Variants in SLCO3A1 observed in about 807,000 individuals in gnomAD.
SLCO3A1 encodes the protein solute carrier organic anion transporter family member 3A1, also known as PGE1 transporter.
In SLCO3A1, 27 loss-of-function variants were observed where a neutral mutation model predicts 63.1. The ratio of observed to expected loss-of-function variants is 0.43; its 90% CI spans 0.32 to 0.59. The LOEUF (loss-of-function observed/expected upper bound fraction) is 0.59. SLCO3A1 is among the 20% of genes least tolerant of loss of function. The pLI is 0.09. For synonymous variants in SLCO3A1, 473 were observed against 409.9 expected (o/e 1.15, Z -1.86); for missense variants, 773 against 945.8 (o/e 0.82, Z 2.40).
chr15:91,950,013 A>T lies in SLCO3A1; in HGVS notation c.646+33555A>T. 6.6e-6 allele frequency among the ~76,000 whole-genome samples: 1 copy of T among 152,162 alleles called. No homozygotes were observed. The highest frequency in any genetic ancestry group is 1.5e-5 in the Non-Finnish European group (1 of 68,030). ...CAGAACCAGACCCTGTCTCTAAAAA[A>T]CAACAACGAAAAGAAGGCAGACTGT... is the stretch of plus-strand genomic sequence containing the variant. On this transcript the variant is annotated intron_variant, in intron 2 of 9. Coordinates refer to ENST00000318445, the MANE Select transcript of SLCO3A1 (RefSeq NM_013272.4). The surrounding 1 kb of genome is among the most constrained non-coding windows in gnomAD (Gnocchi z 4.4).
At chr15:92,015,364 G>T (rs1199834563) in intron 2 of SLCO3A1, among the ~76,000 whole-genome samples, 3 of 152,044 alleles carry the variant, frequency 2.0e-5, no homozygotes, top group African/African-American at 7.3e-5. Context: ...CATGTCAGAA[G>T]GCGAAGAAGA....
intron 2 of SLCO3A1, among the ~76,000 whole-genome samples, chr15:91,999,341 G>A (rs1041787792): frequency 5.3e-5 from 8 of 152,120 alleles, no homozygotes; most frequent in African/African-American, 1.9e-4. Context: ...CAGAAGATTT[G>A]TGCTACACAT....
chr15:91,975,904 C>A (rs1901089170), intron 2 of SLCO3A1, among the ~76,000 whole-genome samples: 1 of 152,186 alleles, frequency 6.6e-6, no homozygotes, highest in African/African-American at 2.4e-5. Flanking sequence ...TGAAGTGTGA[C>A]CTTGGTCAGA....
Position 91,854,125 on chromosome 15 carries a change from C to T in SLCO3A1, c.180+37C>T, listed in dbSNP as rs780989740. On this transcript the variant is annotated intron_variant, in intron 1 of 9. Transcript: ENST00000318445. This position sits in a 1 kb window ranked among gnomAD's most constrained non-coding sequence, Gnocchi z 6.4. Reference sequence around the variant, plus strand: ...AGCCAACTCCGCCGCGGGCCCCTTCCCCAGCCCGGCTCTCGAGCGGCCGCC... The same window carrying T: ...AGCCAACTCCGCCGCGGGCCCCTTCTCCAGCCCGGCTCTCGAGCGGCCGCC... The T allele has an allele frequency of 7.1e-7, 1 of 1,408,252 alleles. No homozygotes were observed. Among genetic ancestry groups the T allele is most frequent in the Non-Finnish European group, 9.3e-7 (1 of 1,070,730 alleles). 87.2% of individuals were successfully genotyped at this position (1,408,252 alleles called of 1,614,324 possible). A position where few individuals can be genotyped will look rare whatever the true frequency, so the allele number is the denominator to read the frequency against.
At position 91,916,172 on chromosome 15, in the gene SLCO3A1, G is replaced by A. The variant is rs752685366; in HGVS notation, c.360G>A (p.Ala120=). The A allele has an allele frequency of 1.2e-6, 2 of 1,601,776 alleles. No individual in the cohort carries two copies. Among genetic ancestry groups the A allele is most frequent in the Non-Finnish European group, 1.7e-6 (2 of 1,176,560 alleles). ...GCGGCATCGTCATGGCGCTGGGCGC[G>A]CTGCTGTCGGCGCTGCCCGAGTTCC... is the stretch of plus-strand genomic sequence containing the variant. ...GCGGIVMALG[A]LLSALPEFLT... Residue 120 remains alanine (A), a synonymous_variant, in exon 2 of 10, where the codon GCG becomes GCA. Coordinates refer to ENST00000318445, the MANE Select transcript of SLCO3A1 (RefSeq NM_013272.4). The surrounding 1 kb of genome is among the most constrained non-coding windows in gnomAD (Gnocchi z 6.2).
chr15:91,911,353 G>C (rs758305731), intron 1 of SLCO3A1, among the ~76,000 whole-genome samples: 14 of 152,184 alleles, frequency 9.2e-5, no homozygotes, highest in Non-Finnish European at 1.8e-4. Flanking sequence ...GGGGTCCTCT[G>C]ATGAGCAGCA....
intron 2 of SLCO3A1, among the ~76,000 whole-genome samples, chr15:91,981,167 T>C (rs972278352): frequency 1.3e-5 from 2 of 152,108 alleles, no homozygotes; most frequent in African/African-American, 4.8e-5. Context: ...TGGGGTGGGA[T>C]GATTCGGATG....
In SLCO3A1 at chr15:91,872,427, C is replaced by T. The variant is rs1011546065; in HGVS notation, c.180+18339C>T. 6.6e-5 allele frequency among the ~76,000 whole-genome samples: 10 copies of T among 151,642 alleles called. No individual in the cohort carries two copies. Among genetic ancestry groups the T allele is most frequent in the Middle Eastern group, 3.4e-3 (1 of 292 alleles). On this transcript the variant is annotated intron_variant, in intron 1 of 9. Transcript: ENST00000318445. The surrounding 1 kb of genome is among the most constrained non-coding windows in gnomAD (Gnocchi z 4.1). ...GTTGCCTGTAATCCCAGCTACTCGG[C>T]GGGCTGAGGTAGGAGAATCACTTGA...
chr15:92,042,116 C>T (rs1433305251), intron 2 of SLCO3A1, among the ~76,000 whole-genome samples: 1 of 152,150 alleles, frequency 6.6e-6, no homozygotes, highest in African/African-American at 2.4e-5. Context: ...TTGCCCTGTC[C>T]TCTCTCAGCC....
At chr15:92,066,632 C>T (rs889808313) in intron 2 of SLCO3A1, among the ~76,000 whole-genome samples, 12 of 152,188 alleles carry the variant, frequency 7.9e-5, no homozygotes, top group African/African-American at 2.9e-4. Flanking sequence ...CCTCTCTGAG[C>T]CTCAGTTTCC....
chr15:91,925,402 T>C (rs933138046), intron 2 of SLCO3A1, among the ~76,000 whole-genome samples: 1 of 152,186 alleles, frequency 6.6e-6, no homozygotes, highest in African/African-American at 2.4e-5. Flanking sequence ...TGCTAGATAA[T>C]TTTTTAGTGT....
chr15:92,169,828 A>C (rs1040932733), downstream of SLCO3A1, among the ~76,000 whole-genome samples: 1 of 152,198 alleles, frequency 6.6e-6, no homozygotes, highest in Admixed American at 6.5e-5. Flanking sequence ...TATTGAGTTC[A>C]AGTCCCTGGT....
At chr15:91,977,932 C>T (rs546841474) in intron 2 of SLCO3A1, among the ~76,000 whole-genome samples, 2 of 152,320 alleles carry the variant, frequency 1.3e-5, no homozygotes, top group African/African-American at 2.4e-5. Flanking sequence ...GGCTATCTTG[C>T]TAATGTTGTC....
chr15:92,165,993 T>C (rs961718474), downstream of SLCO3A1: 3 of 645,168 alleles, frequency 4.6e-6, no homozygotes, highest in Admixed American at 6.3e-5. Flanking sequence ...TCTGCTGAAA[T>C]TGACAGATCT....
At chr15:91,907,144 T>C (rs896180629) in intron 1 of SLCO3A1, among the ~76,000 whole-genome samples, 3 of 152,154 alleles carry the variant, frequency 2.0e-5, no homozygotes, top group Admixed American at 2.0e-4. Flanking sequence ...AATAGTGAAG[T>C]AGAGAAAAAT....
chr15:92,047,884 T>G (rs2046909299), intron 2 of SLCO3A1, among the ~76,000 whole-genome samples: 1 of 151,450 alleles, frequency 6.6e-6, no homozygotes, highest in South Asian at 2.1e-4. Flanking sequence ...GAGTCCATCT[T>G]TCTCAAGCCA....
intron 2 of SLCO3A1, among the ~76,000 whole-genome samples, chr15:91,966,914 T>C (rs918624247): frequency 6.6e-6 from 1 of 152,114 alleles, no homozygotes; most frequent in African/African-American, 2.4e-5. Context: ...GCACCAATTA[T>C]GTTGTGTGGC....
intron 7 of SLCO3A1, among the ~76,000 whole-genome samples, chr15:92,136,432 C>G (rs1220569941): frequency 6.6e-6 from 1 of 152,204 alleles, no homozygotes; most frequent in African/African-American, 2.4e-5. Flanking sequence ...GTCAAAATAG[C>G]ATGCCGACTG....
intron 2 of SLCO3A1, among the ~76,000 whole-genome samples, chr15:91,939,203 A>ACGT (rs996946233): frequency 6.6e-6 from 1 of 152,160 alleles, no homozygotes; most frequent in Non-Finnish European, 1.5e-5. Context: ...AGGAGCAGGC[A>ACGT]CGTCAAATGG....
Sources: allele counts gnomAD v4.1 joint callset (sites outside exome capture counted in the v4.1 genomes callset), GRCh38; gene constraint gnomAD v4.1.1; non-coding constraint Gnocchi (gnomAD v3.1); transcripts MANE v1.5; gene names NCBI Gene and HGNC (gene_info 2026-07-23, HGNC 2026-07-21).